Variants in MLXIPL observed in about 807,000 individuals in gnomAD.
MLXIPL encodes carbohydrate-responsive element-binding protein.
In MLXIPL, 49 loss-of-function variants were observed where a neutral mutation model predicts 81.5. The observed-to-expected ratio is 0.60, with a 90% CI of 0.48 to 0.76. The LOEUF (loss-of-function observed/expected upper bound fraction) is 0.76, where lower values mean the gene tolerates loss of function less well. MLXIPL is among the 30% of genes least tolerant of loss of function. The probability of loss-of-function intolerance (pLI) is 0.00; values close to 1 mark genes in which losing one functional copy is unlikely to be tolerated. For synonymous variants in MLXIPL, 466 were observed against 485.5 expected (o/e 0.96, Z 0.53); for missense variants, 1,053 against 1,167.0 (o/e 0.90, Z 1.42).
At chr7:73,639,200 A>T in the MLXIPL span, among the ~76,000 whole-genome samples, 3 of 152,220 alleles carry the variant, frequency 2.0e-5, no homozygotes, top group Non-Finnish European at 4.4e-5. Flanking sequence ...AGGAAGAAAC[A>T]GAAATGCCAG....
At chr7:73,638,822 C>G in the MLXIPL span, among the ~76,000 whole-genome samples, 19 of 152,028 alleles carry the variant, frequency 1.2e-4, no homozygotes, top group Non-Finnish European at 2.6e-4. Context: ...AGGGTTTCAC[C>G]ATGTTGTCCA....
At chr7:73,606,312 T>C (rs77497669) in intron 5 of MLXIPL, 85 of 618,498 alleles carry the variant, frequency 1.4e-4, no homozygotes, top group African/African-American at 1.2e-3. Flanking sequence ...CCCCAGGAGA[T>C]AGACCAGGAT....
At chr7:73,601,889 C>T (rs1563486660) in intron 7 of MLXIPL, among the ~76,000 whole-genome samples, 1 of 151,988 alleles carries the variant, frequency 6.6e-6, no homozygotes, top group Non-Finnish European at 1.5e-5. Context: ...GTGTTGCAGT[C>T]GCTGAACCCT....
In MLXIPL at chr7:73,596,519, A is replaced by G; in HGVS notation, c.1823-40T>C. On this transcript the variant is annotated intron_variant, in intron 11 of 16. Transcript: ENST00000313375. The surrounding 1 kb of genome is among the most constrained non-coding windows in gnomAD (Gnocchi z 4.7). ...GACAGACCCACAGAAAGACCGACCC[A>G]GGGGAAAGGGTCCCCATTGCCCCCT... 1 of 1,610,778 alleles carries G rather than the reference A, an allele frequency of 6.2e-7. No individual in the cohort carries two copies. Among genetic ancestry groups the G allele is most frequent in the Non-Finnish European group, 8.5e-7 (1 of 1,178,634 alleles).
At chr7:73,620,237 C>G (rs565062831) in intron 1 of MLXIPL, among the ~76,000 whole-genome samples, 1 of 149,000 alleles carries the variant, frequency 6.7e-6, no homozygotes, top group Admixed American at 6.7e-5. Context: ...AACCCCGTCT[C>G]TACTAAAAAT....
chr7:73,608,443 C>T (rs1325659093), intron 2 of MLXIPL, among the ~76,000 whole-genome samples: 2 of 152,008 alleles, frequency 1.3e-5, no homozygotes, highest in South Asian at 2.1e-4. Flanking sequence ...AAAAATTAGC[C>T]GAGCATGGCG....
chr7:73,613,411 C>A (rs1289972226), intron 2 of MLXIPL, among the ~76,000 whole-genome samples: 7 of 152,070 alleles, frequency 4.6e-5, no homozygotes, highest in African/African-American at 1.7e-4. Context: ...CCAGCCTGGG[C>A]AACATGGTGA....
the MLXIPL span, among the ~76,000 whole-genome samples, chr7:73,647,844 C>A: frequency 3.3e-5 from 5 of 150,698 alleles, no homozygotes; most frequent in Non-Finnish European, 5.9e-5. Flanking sequence ...GGGGGCGCTG[C>A]GGGGATGCTT....
Position 73,619,231 on chromosome 7 carries a change from T to A in MLXIPL, c.294-3054A>T, listed in dbSNP as rs530071194. Among the ~76,000 whole-genome samples the A allele has an allele frequency of 1.7e-3, 252 of 151,624 alleles. 2 individuals are homozygous for A. The highest frequency in any genetic ancestry group is 0.01 in the Middle Eastern group (3 of 292). ...ATCCCAGCACTTTGGGAGGCCGAGG[T>A]GGGTGGATCACCTGAGGTCAGGAGT... On this transcript the variant is annotated intron_variant, in intron 1 of 16. Transcript: ENST00000313375.
At chr7:73,632,874 G>T in the MLXIPL span, among the ~76,000 whole-genome samples, 1 of 151,084 alleles carries the variant, frequency 6.6e-6, no homozygotes, top group Non-Finnish European at 1.5e-5. Context: ...CCGCCTCCTA[G>T]CTTCAAGCGA....
At chr7:73,647,696 C>G in the MLXIPL span, among the ~76,000 whole-genome samples, 2 of 152,236 alleles carry the variant, frequency 1.3e-5, no homozygotes, top group African/African-American at 4.8e-5. Flanking sequence ...AAACTGAGGC[C>G]CAGCACAGAG....
At chr7:73,606,355 A>C in intron 5 of MLXIPL, 1 of 537,194 alleles carries the variant, frequency 1.9e-6, no homozygotes, top group Non-Finnish European at 3.3e-6. Context: ...TGCTCTTTAG[A>C]TTTTTTCCTG....
intron 7 of MLXIPL, among the ~76,000 whole-genome samples, chr7:73,600,128 C>A (rs537804996): frequency 1.3e-5 from 2 of 151,488 alleles, no homozygotes; most frequent in Admixed American, 6.6e-5. Context: ...ATGGGAGGGG[C>A]CCCAGGGTGG....
chr7:73,596,407 G>T lies in MLXIPL; in HGVS notation c.1895C>A (p.Pro632His), dbSNP rs782676251. The T allele has an allele frequency of 6.2e-7, 1 of 1,612,942 alleles. No individual in the cohort carries two copies. Among genetic ancestry groups the T allele is most frequent in the Non-Finnish European group, 8.5e-7 (1 of 1,179,952 alleles). ...GCCCCGGCTGAGGATGGGTTGCGGG[G>T]GAGAGACACGGACGCTCAGAGTCCC... ...GPGTLSVRVS[P>H]PQPILSRGRP... The change falls in exon 12 of 17, where the codon CCC becomes CAC. Residue 632 changes from proline to histidine, a missense_variant. Physicochemically the swap from Pro to His is moderately conservative, Grantham distance 77. Transcript: ENST00000313375. This position sits in a 1 kb window ranked among gnomAD's most constrained non-coding sequence, Gnocchi z 4.7.
chr7:73,617,865 G>A (rs1236465133), intron 1 of MLXIPL, among the ~76,000 whole-genome samples: 2 of 152,106 alleles, frequency 1.3e-5, no homozygotes, highest in African/African-American at 4.8e-5. Flanking sequence ...AAAATCCACT[G>A]GATGGAAGAG....
the MLXIPL span, among the ~76,000 whole-genome samples, chr7:73,631,862 C>T: frequency 6.8e-6 from 1 of 146,068 alleles, no homozygotes; most frequent in Non-Finnish European, 1.5e-5. Context: ...TTTCCTTTTC[C>T]CTTCCCTTCC....
the MLXIPL span, among the ~76,000 whole-genome samples, chr7:73,635,724 CTCTA>C: frequency 1.2e-4 from 19 of 152,146 alleles, no homozygotes; most frequent in Non-Finnish European, 2.2e-4. Context: ...CCATCCCCCT[CTCTA>C]TCTATCCATT....
In MLXIPL at chr7:73,621,364, G is replaced by C. The variant is rs554393745; in HGVS notation, c.293+2836C>G. On this transcript the variant is annotated intron_variant, in intron 1 of 16. Coordinates refer to ENST00000313375, the MANE Select transcript of MLXIPL (RefSeq NM_032951.3). ...ATCCTCCCTCTGCCCACGCTAACCT[G>C]CAGAGGGTGAAACCTTGCCAGGCCT... 5.8e-4 allele frequency among the ~76,000 whole-genome samples: 88 copies of C among 151,250 alleles called. No individual in the cohort carries two copies. In the Middle Eastern group the frequency reaches 0.014, roughly 23 times the overall value.
chr7:73,636,348 T>G, the MLXIPL span, among the ~76,000 whole-genome samples: 367 of 150,308 alleles, frequency 2.4e-3, 2 homozygotes, highest in African/African-American at 8.8e-3. Context: ...AGGTGGAGGT[T>G]GTGGTGAGCC....
Sources: allele counts gnomAD v4.1 joint callset (sites outside exome capture counted in the v4.1 genomes callset), GRCh38; gene constraint gnomAD v4.1.1; non-coding constraint Gnocchi (gnomAD v3.1); transcripts MANE v1.5; gene names NCBI Gene and HGNC (gene_info 2026-07-23, HGNC 2026-07-21).